GAS2: variants seen among roughly 807,000 people sequenced by gnomAD.
The protein encoded by GAS2 is growth arrest-specific protein 2.
Under a neutral mutation model 37.5 loss-of-function variants are expected in GAS2, and 20 were observed. The ratio of observed to expected loss-of-function variants is 0.53; its 90% confidence interval spans 0.37 to 0.77. The LOEUF (loss-of-function observed/expected upper bound fraction) is 0.77. Among genes scored for constraint, GAS2 ranks in the 30% least tolerant of loss-of-function variants. The probability of loss-of-function intolerance (pLI) is 0.00; values close to 1 mark genes in which losing one functional copy is unlikely to be tolerated. For missense variants in GAS2, 336 were observed against 373.4 expected (o/e 0.90, Z 0.82); for synonymous variants, 144 against 132.2 (o/e 1.09, Z -0.61).
intron 7 of GAS2, among the ~76,000 whole-genome samples, chr11:22,797,977 G>A (rs537648271): frequency 1.7e-4 from 26 of 152,144 alleles, no homozygotes; most frequent in African/African-American, 4.3e-4. Context: ...TAAAAACTCA[G>A]GTGACTGTAC....
rs371228593 is a variant in GAS2, at chr11:22,635,268, A to G, written c.-21+9455A>G. Among the ~76,000 whole-genome samples, 65 of 152,342 alleles carry G rather than the reference A, an allele frequency of 4.3e-4. 1 individual carries two copies. The highest frequency in any genetic ancestry group is 7.4e-4 in the Non-Finnish European group (50 of 68,024). Reference sequence around the variant, plus strand: ...CAAGTCCCACACTATGGCCTCCCACATGCCAGCATAAGCAGCAGCTCTAGT... The same window carrying G: ...CAAGTCCCACACTATGGCCTCCCACGTGCCAGCATAAGCAGCAGCTCTAGT... On this transcript the variant is annotated intron_variant, in intron 1 of 5. Coordinates refer to the GAS2 transcript ENST00000528582.
At chr11:22,629,037 A>G (rs763166991) in intron 1 of GAS2, among the ~76,000 whole-genome samples, 3 of 151,530 alleles carry the variant, frequency 2.0e-5, no homozygotes, top group Non-Finnish European at 2.9e-5. Context: ...GCATGTGTGT[A>G]TATATATATA....
chr11:22,640,051 G>T (rs1370840424), intron 1 of GAS2, among the ~76,000 whole-genome samples: 1 of 152,166 alleles, frequency 6.6e-6, no homozygotes, highest in East Asian at 1.9e-4. Flanking sequence ...GGCCCATGAA[G>T]TTAGTGGAAG....
chr11:22,629,186 C>T (rs964024108), intron 1 of GAS2, among the ~76,000 whole-genome samples: 2 of 152,164 alleles, frequency 1.3e-5, no homozygotes, highest in Admixed American at 1.3e-4. Flanking sequence ...GGTAGATACT[C>T]AGTAGTGGGA....
At chr11:22,805,860 A>G (rs2134671424) in intron 7 of GAS2, among the ~76,000 whole-genome samples, 1 of 152,210 alleles carries the variant, frequency 6.6e-6, no homozygotes, top group African/African-American at 2.4e-5. Flanking sequence ...TAACTTCCTG[A>G]TGTTGCCATG....
At chr11:22,731,304 T>C (rs777979786) in intron 4 of GAS2, 1 of 438,984 alleles carries the variant, frequency 2.3e-6, no homozygotes, top group South Asian at 1.6e-5. Flanking sequence ...ATTGTGTCAA[T>C]ATCATTATGT....
intron 3 of GAS2, among the ~76,000 whole-genome samples, chr11:22,710,416 G>T (rs185242764): frequency 6.6e-6 from 1 of 151,984 alleles, no homozygotes; most frequent in Non-Finnish European, 1.5e-5. Flanking sequence ...GATAAATTAT[G>T]ATGTCATGGA....
chr11:22,699,203 G>C (rs1850700100), intron 3 of GAS2, among the ~76,000 whole-genome samples: 1 of 152,124 alleles, frequency 6.6e-6, no homozygotes, highest in Admixed American at 6.6e-5. Flanking sequence ...AGAAATTTTT[G>C]GAAAAGATGA....
intron 1 of GAS2, among the ~76,000 whole-genome samples, chr11:22,670,704 C>T (rs570820463): frequency 5.9e-5 from 9 of 152,130 alleles, no homozygotes; most frequent in Non-Finnish European, 8.8e-5. Flanking sequence ...TTTCAGCCTC[C>T]GTTGTATATA....
intron 2 of GAS2, among the ~76,000 whole-genome samples, chr11:22,682,872 AAAAAAAAAAAAAAAGG>A (rs1485210330): frequency 3.1e-5 from 4 of 130,656 alleles, no homozygotes; most frequent in East Asian, 2.0e-4. Context: ...TTTCTGCTAA[AAAAAAAAAAAAAAAGG>A]AAAAAAAAAA....
chr11:22,682,323 G>T (rs1466923643), intron 2 of GAS2, among the ~76,000 whole-genome samples: 3 of 151,766 alleles, frequency 2.0e-5, no homozygotes, highest in Non-Finnish European at 2.9e-5. Flanking sequence ...TTTATGTGTT[G>T]TTTTAAGTAT....
Position 22,704,318 on chromosome 11 carries a change from T to A in GAS2, c.267+18529T>A, listed in dbSNP as rs182439179. On this transcript the variant is annotated intron_variant, in intron 3 of 7. Transcript: ENST00000454584. ...GGGAACCAATTTTATTAAAATACAG[T>A]TATTTCAATATTAAAAATCAACATT... Among the ~76,000 whole-genome samples, 175 of 151,994 alleles carry A rather than the reference T, an allele frequency of 1.2e-3. 1 individual carries two copies. Among genetic ancestry groups the A allele is most frequent in the African/African-American group, 4.1e-3 (171 of 41,494 alleles).
intron 3 of GAS2, among the ~76,000 whole-genome samples, chr11:22,703,168 C>G (rs1369589309): frequency 6.6e-6 from 1 of 152,050 alleles, no homozygotes; most frequent in South Asian, 2.1e-4. Flanking sequence ...CAGTGTTGTC[C>G]CTTGAGCATG....
Position 22,784,204 on chromosome 11 carries a change from T to G in GAS2, c.724-27594T>G, listed in dbSNP as rs1397989388. 2.0e-5 allele frequency among the ~76,000 whole-genome samples: 3 copies of G among 152,186 alleles called. No individual in the cohort carries two copies. In the East Asian group the frequency reaches 5.8e-4, roughly 29 times the overall value. ...ATTGGTAGTTTGATAGGAATAGTGT[T>G]GAATCTGTAAATGGGAAGCAGTGCT... On this transcript the variant is annotated intron_variant, in intron 7 of 7. Transcript: ENST00000454584.
At chr11:22,687,070 ATC>A (rs1432689558) in intron 3 of GAS2, among the ~76,000 whole-genome samples, 47 of 152,230 alleles carry the variant, frequency 3.1e-4, no homozygotes, top group African/African-American at 1.1e-3. Flanking sequence ...CGTGACTGTA[ATC>A]TCAGCACTTT....
At chr11:22,654,340 T>TTTCC (rs1311020599) in intron 1 of GAS2, among the ~76,000 whole-genome samples, 1 of 151,966 alleles carries the variant, frequency 6.6e-6, no homozygotes, top group Non-Finnish European at 1.5e-5. Flanking sequence ...TAAATAATTT[T>TTTCC]TTCCTTCCTT....
chr11:22,735,892 G>T (rs77413767), intron 4 of GAS2, among the ~76,000 whole-genome samples: 1 of 151,340 alleles, frequency 6.6e-6, no homozygotes, highest in African/African-American at 2.4e-5. Context: ...GCTTCACACA[G>T]CTTTTACTTA....
Position 22,645,865 on chromosome 11 carries a change from C to T in GAS2, c.-21+20052C>T, listed in dbSNP as rs192773524. Among the ~76,000 whole-genome samples, 1,144 of 132,594 alleles carry T rather than the reference C, an allele frequency of 8.6e-3. 12 individuals carry two copies. Among genetic ancestry groups the T allele is most frequent in the African/African-American group, 0.021 (727 of 35,278 alleles). 87.0% of individuals were successfully genotyped at this position (132,594 alleles called of 152,430 possible). ...CTTTTCTTTTTTTTTTTTTTTGAGA[C>T]GGAGTTTTGCTCTTCTTGCCCAGGC... is the stretch of plus-strand genomic sequence containing the variant. On this transcript the variant is annotated intron_variant, in intron 1 of 5. Coordinates refer to the GAS2 transcript ENST00000528582.
intron 1 of GAS2, among the ~76,000 whole-genome samples, chr11:22,634,952 G>A (rs976272107): frequency 6.6e-6 from 1 of 152,218 alleles, no homozygotes; most frequent in African/African-American, 2.4e-5. Flanking sequence ...GCCCACAATG[G>A]TGCTAACTGA....
Sources: gnomAD v4.1 joint callset for allele counts (sites outside exome capture counted in the v4.1 genomes callset) on GRCh38, gnomAD v4.1.1 for gene constraint, MANE v1.5 for transcripts, NCBI Gene and HGNC (gene_info 2026-07-23, HGNC 2026-07-21) for gene names.